Variants in SATB1 observed in about 807,000 individuals in gnomAD.
The protein encoded by SATB1 is SATB homeobox 1, also known as DNA-binding protein SATB1.
In SATB1, 11 loss-of-function variants were observed where a neutral mutation model predicts 86.9. The ratio of observed to expected loss-of-function variants is 0.13; its 90% CI spans 0.08 to 0.21. SATB1 has a LOEUF of 0.21. SATB1 is among the 10% of genes least tolerant of loss of function. The pLI, the probability that SATB1 is intolerant of heterozygous loss-of-function variation, is 1.00. For missense variants in SATB1, 551 were observed against 937.6 expected (o/e 0.59, Z 5.39); for synonymous variants, 357 against 357.2 (o/e 1.00, Z 0.01).
At chr3:18,367,381 C>T (rs1478581666) in intron 9 of SATB1, among the ~76,000 whole-genome samples, 1 of 152,122 alleles carries the variant, frequency 6.6e-6, no homozygotes, top group East Asian at 1.9e-4. Context: ...CAACAAAGAA[C>T]ATTAAAAGGA....
chr3:18,370,800 G>A (rs1274631928), intron 9 of SATB1, among the ~76,000 whole-genome samples: 1 of 152,166 alleles, frequency 6.6e-6, no homozygotes, highest in Non-Finnish European at 1.5e-5. Context: ...ATACTCTATT[G>A]AGCATGCTCT....
At chr3:18,440,099 T>C (rs1699197521), upstream of SATB1, among the ~76,000 whole-genome samples, 1 of 152,228 alleles carries the variant, frequency 6.6e-6, no homozygotes, top group East Asian at 1.9e-4. Flanking sequence ...ATTGAAGTTA[T>C]TATCTGAGGA....
rs1163231053 is a variant in SATB1, at chr3:18,420,931, G to A, written c.37C>T (p.His13Tyr). The change falls in exon 2 of 11, where the codon CAT (histidine) becomes TAT (tyrosine). Residue 13 changes from histidine (H) to tyrosine (Y), a missense_variant. Transcript: ENST00000338745. ...CTCACATTGTTAGACATTTCTGAAT[G>A]TTCTTTCCCCTGAGTTGCCTCGTTC... ...HLNEATQGKE[H>Y]SEMSNNVSDP... The A allele has an allele frequency of 1.9e-6, 3 of 1,614,036 alleles. No homozygotes were observed. Among genetic ancestry groups the A allele is most frequent in the Non-Finnish European group, 2.5e-6 (3 of 1,180,032 alleles).
chr3:18,440,605 A>G (rs1358934843), upstream of SATB1, among the ~76,000 whole-genome samples: 1 of 152,192 alleles, frequency 6.6e-6, no homozygotes, highest in Admixed American at 6.5e-5. Context: ...GCTAGCTCGA[A>G]GTAGGAAGTG....
chr3:18,385,646 T>C (rs1696304450), intron 8 of SATB1, among the ~76,000 whole-genome samples: 1 of 149,818 alleles, frequency 6.7e-6, no homozygotes, highest in African/African-American at 2.5e-5. Context: ...AAAAAGATAA[T>C]ATATTTGCTT....
intron 2 of SATB1, among the ~76,000 whole-genome samples, chr3:18,418,022 A>T (rs1698206926): frequency 6.6e-6 from 1 of 152,178 alleles, no homozygotes; most frequent in Non-Finnish European, 1.5e-5. Flanking sequence ...CAAGGTGTTT[A>T]TGCAGCGCAC....
chr3:18,436,603 G>GA (rs1321488183), intron 2 of SATB1, among the ~76,000 whole-genome samples: 1 of 151,204 alleles, frequency 6.6e-6, no homozygotes, highest in African/African-American at 2.4e-5. Flanking sequence ...AAATTAGAAA[G>GA]AAAATTCTCT....
chr3:18,349,248 G>T lies in SATB1; in HGVS notation c.2214C>A (p.Asn738Lys). 2 of 1,614,186 alleles carry T rather than the reference G, an allele frequency of 1.2e-6. No homozygotes were observed. The highest frequency in any genetic ancestry group is 1.7e-6 in the Non-Finnish European group (2 of 1,180,044). Residue 738 changes from asparagine to lysine, a missense_variant, in exon 11 of 11, where the codon AAC becomes AAA. This residue lies in a region of SATB1 where 41 missense variants were observed against 38.9 expected (regional missense o/e 1.06). Coordinates refer to ENST00000338745, the MANE Select transcript of SATB1 (RefSeq NM_002971.6). This position sits in a 1 kb window ranked among gnomAD's most constrained non-coding sequence, Gnocchi z 5.5. ...LEESVQDKNT[N>K]TLFSVKLEEE... ...CTTCTAGTTTCACTGAAAAAAGGGT[G>T]TTAGTATTTTTATCTTGGACACTCT... is the stretch of plus-strand genomic sequence containing the variant.
intron 9 of SATB1, among the ~76,000 whole-genome samples, chr3:18,377,121 A>C (rs1272675876): frequency 6.6e-6 from 1 of 152,202 alleles, no homozygotes; most frequent in Non-Finnish European, 1.5e-5. Context: ...ATAGGGTAAA[A>C]GTTTAGGAAA....
intron 5 of SATB1, among the ~76,000 whole-genome samples, chr3:18,402,017 C>T (rs1559438265): frequency 6.6e-6 from 1 of 152,074 alleles, no homozygotes; most frequent in Non-Finnish European, 1.5e-5. Context: ...ATAGATAGAA[C>T]ATTCTGAACC....
At chr3:18,405,108 T>C (rs1278655516) in intron 5 of SATB1, among the ~76,000 whole-genome samples, 2 of 152,066 alleles carry the variant, frequency 1.3e-5, no homozygotes, top group African/African-American at 4.8e-5. Flanking sequence ...GCATCCTGCT[T>C]ATGATTATTT....
intron 8 of SATB1, among the ~76,000 whole-genome samples, chr3:18,384,423 A>C (rs1391753838): frequency 6.6e-6 from 1 of 151,140 alleles, no homozygotes; most frequent in East Asian, 2.0e-4. Flanking sequence ...CAAAAGCTGT[A>C]TTAAGGAACC....
chr3:18,409,068 A>G (rs533919199), intron 5 of SATB1: 1 of 152,182 alleles, frequency 6.6e-6, no homozygotes, highest in South Asian at 2.1e-4. Flanking sequence ...ACCTATTCAG[A>G]TCTGAAACAA....
intron 9 of SATB1, among the ~76,000 whole-genome samples, chr3:18,362,881 A>AAAAC (rs373536891): frequency 0.011 from 1,219 of 107,860 alleles, 97 homozygotes; most frequent in East Asian, 0.046. Context: ...AAAAAAAAAA[A>AAAAC]CCAAAACCCC....
intron 6 of SATB1, among the ~76,000 whole-genome samples, chr3:18,395,338 TA>T (rs1449862878): frequency 6.6e-6 from 1 of 152,130 alleles, no homozygotes; most frequent in Non-Finnish European, 1.5e-5. Context: ...AATAAGCAAC[TA>T]AAAAAATTTA....
intron 2 of SATB1, among the ~76,000 whole-genome samples, chr3:18,420,371 T>G (rs963445722): frequency 6.6e-5 from 10 of 152,206 alleles, no homozygotes; most frequent in Non-Finnish European, 7.3e-5. Context: ...ACTAAGAATC[T>G]TAGGAAGAAG....
intron 9 of SATB1, among the ~76,000 whole-genome samples, chr3:18,377,874 C>T (rs985261209): frequency 1.3e-5 from 2 of 152,140 alleles, no homozygotes; most frequent in Non-Finnish European, 2.9e-5. Context: ...TATTCTACTA[C>T]AATAGACCAG....
rs538741452 is a variant in SATB1 at position 18,386,072 on chromosome 3, C to A, written c.1419+327G>T. Among the ~76,000 whole-genome samples, 4 of 152,160 alleles carry A rather than the reference C, an allele frequency of 2.6e-5. No homozygotes were observed. The highest frequency in any genetic ancestry group is 9.6e-5 in the African/African-American group (4 of 41,516). ...GATTCTGAAACCAGTTGGGAAAAAA[C>A]TGACTTTATTCTTTTTCTATTGAGT... On this transcript the variant is annotated intron_variant, in intron 8 of 10. Coordinates refer to ENST00000338745, the MANE Select transcript of SATB1 (RefSeq NM_002971.6). This position sits in a 1 kb window ranked among gnomAD's most constrained non-coding sequence, Gnocchi z 4.5.
Position 18,415,095 on chromosome 3 carries a change from A to G in SATB1, c.639+16T>C. On this transcript the variant is annotated intron_variant, in intron 5 of 10. Transcript: ENST00000338745. ...CCCATGATGTCTTATTATTTATTAC[A>G]TTCTATGCTAAGTACCTGTGAAAGG... 1 of 1,612,192 alleles carries G rather than the reference A, an allele frequency of 6.2e-7. No individual in the cohort carries two copies. The highest frequency in any genetic ancestry group is 8.5e-7 in the Non-Finnish European group (1 of 1,178,742).
Sources: gnomAD v4.1 joint callset for allele counts (sites outside exome capture counted in the v4.1 genomes callset) on GRCh38, gnomAD v4.1.1 for gene constraint, gnomAD v4.1.1 regional missense constraint, Gnocchi (gnomAD v3.1) non-coding constraint, MANE v1.5 for transcripts, NCBI Gene and HGNC (gene_info 2026-07-23, HGNC 2026-07-21) for gene names.